The following PEPD variants were observed in gnomAD, a reference collection of about 807,000 sequenced individuals.
PEPD encodes the protein xaa-Pro dipeptidase.
A neutral mutation model predicts 60.7 loss-of-function variants in PEPD; 53 were observed. That is an observed-to-expected ratio of 0.87 (90% CI 0.70 to 1.10). PEPD has a LOEUF of 1.10. PEPD is among the 50% of genes least tolerant of loss of function. The pLI is 0.00. For synonymous variants in PEPD, 267 were observed against 284.1 expected (o/e 0.94, Z 0.60); for missense variants, 711 against 711.9 (o/e 1.00, Z 0.01).
rs3786923 is a variant in PEPD at position 33,515,481 on chromosome 19, A to G, written c.18-2705T>C. Among the ~76,000 whole-genome samples the G allele has an allele frequency of 3.4e-3, 523 of 152,174 alleles. 24 individuals carry two copies. The East Asian group carries it at 0.092, about 27-fold the overall frequency. On this transcript the variant is annotated intron_variant, in intron 1 of 14. Coordinates refer to ENST00000244137, the MANE Select transcript of PEPD (RefSeq NM_000285.4). ...GGGAAGTCGGTGAGAGTTCGTAAAC[A>G]TGACCACATCCCAGATGGCCATGCT...
intron 9 of PEPD, among the ~76,000 whole-genome samples, chr19:33,421,333 C>A (rs138631737): frequency 6.6e-6 from 1 of 152,206 alleles, no homozygotes; most frequent in Non-Finnish European, 1.5e-5. Flanking sequence ...CCTCTCCATA[C>A]CTGTGAATGG....
At chr19:33,446,952 C>T (rs967725845) in intron 9 of PEPD, among the ~76,000 whole-genome samples, 2 of 152,220 alleles carry the variant, frequency 1.3e-5, no homozygotes, top group African/African-American at 4.8e-5. Context: ...CCCAGCCAGG[C>T]TCCGACTCAA....
At chr19:33,406,992 A>G (rs1487378613) in intron 11 of PEPD, among the ~76,000 whole-genome samples, 1 of 152,124 alleles carries the variant, frequency 6.6e-6, no homozygotes, top group Non-Finnish European at 1.5e-5. Flanking sequence ...GGCCTGGCCC[A>G]TCGTCCTGAG....
At chr19:33,471,822 C>T (rs951961045) in intron 7 of PEPD, among the ~76,000 whole-genome samples, 6 of 152,188 alleles carry the variant, frequency 3.9e-5, no homozygotes, top group African/African-American at 1.4e-4. Context: ...AATTCGAGGC[C>T]AGCCTGGGCA....
intron 9 of PEPD, among the ~76,000 whole-genome samples, chr19:33,415,217 T>C (rs4805885): frequency 0.58 from 88,571 of 151,726 alleles, 26,129 homozygotes; most frequent in Non-Finnish European, 0.62. Flanking sequence ...ACCTCAGAGG[T>C]CACATGGTCA....
chr19:33,501,734 G>A (rs549555799), intron 3 of PEPD, among the ~76,000 whole-genome samples: 11 of 152,008 alleles, frequency 7.2e-5, no homozygotes, highest in East Asian at 5.8e-4. Context: ...ACAGCATCTC[G>A]TTCTGTCACC....
chr19:33,508,286 G>T (rs1480143717), intron 3 of PEPD, among the ~76,000 whole-genome samples: 11 of 152,200 alleles, frequency 7.2e-5, no homozygotes, highest in Non-Finnish European at 1.0e-4. Flanking sequence ...CCTGGCACAG[G>T]GGCCCTCGCT....
chr19:33,459,555 T>C (rs1037524822), intron 9 of PEPD, among the ~76,000 whole-genome samples: 12 of 152,150 alleles, frequency 7.9e-5, no homozygotes, highest in Non-Finnish European at 1.6e-4. Context: ...GGACGTCTTA[T>C]TGGTTTAACA....
chr19:33,478,526 G>C (rs10423941), intron 6 of PEPD, among the ~76,000 whole-genome samples: 61,906 of 151,978 alleles, frequency 0.41, 13,171 homozygotes, highest in African/African-American at 0.53. Flanking sequence ...CTAGACACAT[G>C]ATAATCAAAC....
chr19:33,453,218 G>T (rs999225452), intron 9 of PEPD, among the ~76,000 whole-genome samples: 3 of 152,130 alleles, frequency 2.0e-5, no homozygotes, highest in Non-Finnish European at 2.9e-5. Flanking sequence ...AGAGGCTGAG[G>T]GGGGAAGGTC....
chr19:33,462,803 C>T, intron 9 of PEPD, 192 bp downstream of exon 9: 1 of 640,270 alleles, frequency 1.6e-6, no homozygotes, highest in Admixed American at 2.3e-5. Flanking sequence ...TTACATCAAA[C>T]ACTCTGCCAA....
chr19:33,489,159 T>C lies in PEPD; in HGVS notation c.503+837A>G, dbSNP rs570399295. On this transcript the variant is annotated intron_variant, in intron 6 of 14. Coordinates refer to ENST00000244137, the MANE Select transcript of PEPD (RefSeq NM_000285.4). ...CGTCTTTCCCTGTGCCCAAGGTCTG[T>C]CCTCCTGCCTGGAGAGAAAAGGGGA... Among the ~76,000 whole-genome samples the C allele has an allele frequency of 2.0e-5, 3 of 152,170 alleles. No homozygotes were observed. In the South Asian group the frequency reaches 6.2e-4, roughly 32 times the overall value.
intron 9 of PEPD, among the ~76,000 whole-genome samples, chr19:33,453,709 C>A (rs1348665135): frequency 8.5e-5 from 13 of 152,178 alleles, no homozygotes; most frequent in African/African-American, 3.1e-4. Flanking sequence ...GGAGCTGAAG[C>A]CGCAATATCT....
At chr19:33,434,182 A>G (rs574241413) in intron 9 of PEPD, among the ~76,000 whole-genome samples, 1 of 152,198 alleles carries the variant, frequency 6.6e-6, no homozygotes, top group African/African-American at 2.4e-5. Context: ...CTGTGGCAAC[A>G]ATCTGCTCGT....
At chr19:33,399,443 T>C (rs1486625757) in intron 12 of PEPD, among the ~76,000 whole-genome samples, 13 of 152,228 alleles carry the variant, frequency 8.5e-5, no homozygotes, top group Admixed American at 8.5e-4. Flanking sequence ...TCCCCCTGCT[T>C]GCACTCATGC....
chr19:33,442,216 T>G (rs916440600), intron 9 of PEPD, among the ~76,000 whole-genome samples: 16 of 152,082 alleles, frequency 1.1e-4, no homozygotes, highest in Admixed American at 8.5e-4. Flanking sequence ...CTGACCAACA[T>G]GGTGAAACCC....
In PEPD at chr19:33,387,083, ACAG is replaced by A; in HGVS notation, c.*258_*260del. The A allele has an allele frequency of 1.9e-6, 1 of 530,112 alleles. No individual in the cohort carries two copies. The highest frequency in any genetic ancestry group is 2.6e-5 in the South Asian group (1 of 37,812). 32.8% of individuals were successfully genotyped at this position (530,112 alleles called of 1,614,324 possible). A position where few individuals can be genotyped will look rare whatever the true frequency, so the allele number is the denominator to read the frequency against. ...GACACATTTTAGTTGCTACTAAAGAACAGCATTATTTTCAATCATTTTAAGTCG... is the reference window on the plus strand; with the variant it reads ...GACACATTTTAGTTGCTACTAAAGAACATTATTTTCAATCATTTTAAGTCG... On this transcript the variant is annotated 3_prime_UTR_variant, in exon 15 of 15. Coordinates refer to ENST00000244137, the MANE Select transcript of PEPD (RefSeq NM_000285.4).
At chr19:33,493,216 G>T in intron 5 of PEPD, 74 bp downstream of exon 5, 1 of 1,049,414 alleles carries the variant, frequency 9.5e-7, no homozygotes, top group Non-Finnish European at 1.5e-6. Flanking sequence ...CCCGACCTCT[G>T]CAGGAGAGGT....
Position 33,411,719 on chromosome 19 carries a change from T to A in PEPD, c.771A>T (p.Gly257=). Residue 257 remains glycine, a synonymous_variant, in exon 11 of 15, where the codon GGA becomes GGT. Transcript: ENST00000244137. ...TTCGGTCGTTGGGAGCTCCGGCGTGTCCGTAGTGTAGCACGGCTGAGTTCT... is the reference window on the plus strand; with the variant it reads ...TTCGGTCGTTGGGAGCTCCGGCGTGACCGTAGTGTAGCACGGCTGAGTTCT... ...SGENSAVLHY[G]HAGAPNDRTI... The A allele has an allele frequency of 6.2e-7, 1 of 1,611,360 alleles. No individual in the cohort carries two copies. Among genetic ancestry groups the A allele is most frequent in the Admixed American group, 1.7e-5 (1 of 59,992 alleles).
Sources: allele counts gnomAD v4.1 joint callset (sites outside exome capture counted in the v4.1 genomes callset), GRCh38; gene constraint gnomAD v4.1.1; transcripts MANE v1.5; gene names NCBI Gene and HGNC (gene_info 2026-07-23, HGNC 2026-07-21).